The following MBOAT2 variants were observed in gnomAD, a reference collection of about 807,000 sequenced individuals.
The protein encoded by MBOAT2 is membrane-bound glycerophospholipid O-acyltransferase 2.
Under a neutral mutation model 63.4 loss-of-function variants are expected in MBOAT2, and 28 were observed. That is an observed-to-expected ratio of 0.44 (90% CI 0.33 to 0.61). The LOEUF (loss-of-function observed/expected upper bound fraction) is 0.61. Among genes scored for constraint, MBOAT2 ranks in the 20% least tolerant of loss-of-function variants. MBOAT2 has a pLI of 0.03. For synonymous variants in MBOAT2, 211 were observed against 215.6 expected (o/e 0.98, Z 0.19); for missense variants, 470 against 605.8 (o/e 0.78, Z 2.35).
chr2:8,960,526 G>C (rs1339747401), intron 1 of MBOAT2, among the ~76,000 whole-genome samples: 1 of 152,196 alleles, frequency 6.6e-6, no homozygotes, highest in Non-Finnish European at 1.5e-5. Flanking sequence ...GATGTGAGGG[G>C]TAAGCAGGGC....
chr2:8,927,013 T>C (rs1016322197), intron 3 of MBOAT2, among the ~76,000 whole-genome samples: 6 of 152,234 alleles, frequency 3.9e-5, no homozygotes, highest in African/African-American at 1.4e-4. Flanking sequence ...TGGCTAGATG[T>C]GGAGGTGAGA....
intron 3 of MBOAT2, among the ~76,000 whole-genome samples, chr2:8,932,055 T>A (rs1358139915): frequency 2.6e-5 from 4 of 152,152 alleles, no homozygotes; most frequent in African/African-American, 9.7e-5. Flanking sequence ...GTTTTTCAGG[T>A]TCTTAGCTAT....
intron 9 of MBOAT2, among the ~76,000 whole-genome samples, chr2:8,867,123 C>T (rs1448233923): frequency 3.9e-5 from 6 of 152,106 alleles, no homozygotes; most frequent in East Asian, 1.9e-4. Context: ...GGCACGATCA[C>T]GGCTCACTGC....
chr2:8,930,264 C>T (rs1414145108), intron 3 of MBOAT2, among the ~76,000 whole-genome samples: 1 of 152,196 alleles, frequency 6.6e-6, no homozygotes, highest in African/African-American at 2.4e-5. Flanking sequence ...AGAGTTTAAA[C>T]GGTGATCAAA....
At chr2:8,903,756 G>A (rs183738001) in intron 4 of MBOAT2, among the ~76,000 whole-genome samples, 4 of 152,070 alleles carry the variant, frequency 2.6e-5, no homozygotes, top group East Asian at 1.9e-4. Context: ...TCCTTCATCC[G>A]GGTTTCCTTG....
At chr2:8,915,703 C>A (rs572572655) in intron 3 of MBOAT2, among the ~76,000 whole-genome samples, 2 of 152,308 alleles carry the variant, frequency 1.3e-5, no homozygotes, top group East Asian at 1.9e-4. Context: ...ACTATGTGCA[C>A]AAATTATTTT....
intron 1 of MBOAT2, among the ~76,000 whole-genome samples, chr2:8,967,700 TC>T (rs1240401164): frequency 6.6e-6 from 1 of 151,964 alleles, no homozygotes; most frequent in African/African-American, 2.4e-5. Context: ...AACAGACAGA[TC>T]AGTGAAATAT....
intron 3 of MBOAT2, among the ~76,000 whole-genome samples, chr2:8,936,052 T>C (rs1353569410): frequency 1.3e-5 from 2 of 152,242 alleles, no homozygotes; most frequent in Admixed American, 6.5e-5. Flanking sequence ...GGCTGATACA[T>C]AGTTTTACTA....
intron 4 of MBOAT2, among the ~76,000 whole-genome samples, chr2:8,889,200 C>T (rs62104416): frequency 8.3e-4 from 127 of 152,304 alleles, no homozygotes; most frequent in Admixed American, 1.4e-3. Flanking sequence ...CTGCTCTCTT[C>T]CAGCAGTCCA....
At chr2:8,874,053 T>C (rs1163616601) in intron 7 of MBOAT2, among the ~76,000 whole-genome samples, 13 of 152,226 alleles carry the variant, frequency 8.5e-5, no homozygotes, top group Admixed American at 8.5e-4. Context: ...AGATGAAGTA[T>C]GCAACAAAAT....
chr2:8,952,607 C>T (rs1339227795), intron 2 of MBOAT2, among the ~76,000 whole-genome samples: 1 of 152,152 alleles, frequency 6.6e-6, no homozygotes, highest in East Asian at 1.9e-4. Context: ...CAATGTTGCA[C>T]ATGTACACAC....
rs958889475 is a variant in MBOAT2 at position 9,003,214 on chromosome 2, C to T, written c.75+326G>A. ...TGCTCCGGGACCCGACCACCGGATC[C>T]GAGCGCCGCTGCCGCGAAGGGCAGG... On this transcript the variant is annotated intron_variant, in intron 1 of 12. Transcript: ENST00000305997. This position sits in a 1 kb window ranked among gnomAD's most constrained non-coding sequence, Gnocchi z 5.4. Among the ~76,000 whole-genome samples, 1 of 152,174 alleles carries T rather than the reference C, an allele frequency of 6.6e-6. No individual in the cohort carries two copies. Among genetic ancestry groups the T allele is most frequent in the Non-Finnish European group, 1.5e-5 (1 of 68,020 alleles).
intron 1 of MBOAT2, among the ~76,000 whole-genome samples, chr2:8,982,126 C>G (rs1671238013): frequency 6.6e-6 from 1 of 152,114 alleles, no homozygotes; most frequent in Admixed American, 6.5e-5. Flanking sequence ...TAACCCATGG[C>G]AGGGTCTCAA....
intron 3 of MBOAT2, among the ~76,000 whole-genome samples, chr2:8,927,764 G>C (rs1382851170): frequency 2.0e-5 from 3 of 152,200 alleles, no homozygotes; most frequent in African/African-American, 4.8e-5. Context: ...CTCAACTCTC[G>C]AGTCTGTCAC....
intron 10 of MBOAT2, among the ~76,000 whole-genome samples, chr2:8,863,944 C>A (rs1167877943): frequency 2.0e-5 from 3 of 152,146 alleles, no homozygotes; most frequent in Non-Finnish European, 4.4e-5. Flanking sequence ...CTTGAGAGGG[C>A]AGGATAGCTG....
At chr2:8,949,368 T>C (rs1668650725) in intron 2 of MBOAT2, among the ~76,000 whole-genome samples, 1 of 152,200 alleles carries the variant, frequency 6.6e-6, no homozygotes, top group Non-Finnish European at 1.5e-5. Flanking sequence ...TTTGTTTTTG[T>C]TGCAATTGCT....
chr2:8,890,817 G>A (rs1663939310), intron 4 of MBOAT2, among the ~76,000 whole-genome samples: 1 of 152,142 alleles, frequency 6.6e-6, no homozygotes, highest in Admixed American at 6.5e-5. Context: ...CACCGTGCCT[G>A]GCCAATAAAT....
intron 4 of MBOAT2, among the ~76,000 whole-genome samples, chr2:8,903,536 T>C (rs1665119932): frequency 6.6e-6 from 1 of 152,178 alleles, no homozygotes; most frequent in South Asian, 2.1e-4. Context: ...AATCAACATA[T>C]TCCAATCAGA....
At chr2:8,883,961 G>A (rs745377135) in intron 5 of MBOAT2, among the ~76,000 whole-genome samples, 2 of 151,404 alleles carry the variant, frequency 1.3e-5, no homozygotes, top group Non-Finnish European at 2.9e-5. Flanking sequence ...AGTGGCTCAC[G>A]CTTGTAATCC....
Sources: gnomAD v4.1 joint callset for allele counts (sites outside exome capture counted in the v4.1 genomes callset) on GRCh38, gnomAD v4.1.1 for gene constraint, Gnocchi (gnomAD v3.1) non-coding constraint, MANE v1.5 for transcripts, NCBI Gene and HGNC (gene_info 2026-07-23, HGNC 2026-07-21) for gene names.